Variants in CACNG3 observed in about 807,000 individuals in gnomAD.
CACNG3 encodes calcium voltage-gated channel auxiliary subunit gamma 3.
In CACNG3, 3 loss-of-function variants were observed where a neutral mutation model predicts 28.5. That is an observed-to-expected ratio of 0.11 (90% CI 0.05 to 0.27). The LOEUF is 0.27. Ranked by LOEUF, CACNG3 falls within the 10% of genes least tolerant of loss-of-function variation. CACNG3 has a pLI of 1.00. For missense variants in CACNG3, 236 were observed against 414.4 expected, an observed-to-expected ratio of 0.57 and a Z score of 3.74; for synonymous variants, 174 against 162.2, an observed-to-expected ratio of 1.07 and a Z score of -0.55.
intron 1 of CACNG3, among the ~76,000 whole-genome samples, chr16:24,301,466 C>T (rs1317665584): frequency 6.6e-6 from 1 of 152,174 alleles, no homozygotes; most frequent in African/African-American, 2.4e-5. Context: ...GTCAACTTGT[C>T]TATGAGGCGT....
At chr16:24,287,035 T>C (rs2141353806) in intron 1 of CACNG3, among the ~76,000 whole-genome samples, 1 of 152,292 alleles carries the variant, frequency 6.6e-6, no homozygotes, top group Non-Finnish European at 1.5e-5. Flanking sequence ...CAGAACACAA[T>C]GGATGGGATG....
At chr16:24,319,408 G>A (rs758507088) in intron 1 of CACNG3, among the ~76,000 whole-genome samples, 5 of 152,120 alleles carry the variant, frequency 3.3e-5, no homozygotes, top group Admixed American at 6.6e-5. Flanking sequence ...AGATGTCCTC[G>A]TAAAAGTATT....
intron 1 of CACNG3, among the ~76,000 whole-genome samples, chr16:24,282,187 T>G (rs542913582): frequency 6.6e-6 from 1 of 152,078 alleles, no homozygotes; most frequent in Non-Finnish European, 1.5e-5. Flanking sequence ...CATGAGGAAA[T>G]GGAGGTTCAG....
At chr16:24,339,218 T>C (rs148749418) in intron 1 of CACNG3, among the ~76,000 whole-genome samples, 81 of 152,314 alleles carry the variant, frequency 5.3e-4, no homozygotes, top group African/African-American at 1.8e-3. Flanking sequence ...ATTATTTCTC[T>C]GTATTGAAAA....
intron 1 of CACNG3, among the ~76,000 whole-genome samples, chr16:24,317,558 GAA>G (rs1567217319): frequency 5.9e-4 from 10 of 16,852 alleles, no homozygotes; most frequent in African/African-American, 2.9e-3. Flanking sequence ...AAAAGAAAAA[GAA>G]AGAAAGAAAG....
At chr16:24,305,320 A>ATGTGTG (rs57584370) in intron 1 of CACNG3, among the ~76,000 whole-genome samples, 1,747 of 136,180 alleles carry the variant, frequency 0.013, 15 homozygotes, top group Middle Eastern at 0.026. Flanking sequence ...ATACATAAAT[A>ATGTGTG]TGTGTGTGTG....
chr16:24,338,641 A>G (rs529439817), intron 1 of CACNG3, among the ~76,000 whole-genome samples: 39 of 152,214 alleles, frequency 2.6e-4, no homozygotes, highest in African/African-American at 8.9e-4. Flanking sequence ...CACCATGCCC[A>G]GCCCCAGTGT....
At chr16:24,320,715 T>C (rs2141369708) in intron 1 of CACNG3, among the ~76,000 whole-genome samples, 1 of 152,224 alleles carries the variant, frequency 6.6e-6, no homozygotes, top group South Asian at 2.1e-4. Flanking sequence ...AAGAAACAAT[T>C]CATACGTTTT....
intron 1 of CACNG3, among the ~76,000 whole-genome samples, chr16:24,295,195 A>G (rs1163214622): frequency 1.3e-5 from 2 of 152,218 alleles, no homozygotes; most frequent in African/African-American, 2.4e-5. Context: ...TGGTCAGTCC[A>G]GCTTTCTCCA....
At chr16:24,358,431 T>C (rs1900063679) in intron 3 of CACNG3, among the ~76,000 whole-genome samples, 1 of 152,214 alleles carries the variant, frequency 6.6e-6, no homozygotes, top group African/African-American at 2.4e-5. Flanking sequence ...TTGGTATTGA[T>C]AAAGTGCCCA....
intron 1 of CACNG3, among the ~76,000 whole-genome samples, chr16:24,274,194 A>C (rs1452510580): frequency 2.0e-5 from 3 of 146,984 alleles, no homozygotes; most frequent in Non-Finnish European, 3.0e-5. Flanking sequence ...CTCAAAAAAA[A>C]AAAAAACAAA....
At chr16:24,261,321 A>G (rs1313175162) in intron 1 of CACNG3, among the ~76,000 whole-genome samples, 1 of 152,180 alleles carries the variant, frequency 6.6e-6, no homozygotes, top group Admixed American at 6.5e-5. Flanking sequence ...ACTGTGGCAA[A>G]CTGGAAAACA....
chr16:24,345,310 A>G (rs1187586880), intron 1 of CACNG3, among the ~76,000 whole-genome samples: 1 of 152,176 alleles, frequency 6.6e-6, no homozygotes. Context: ...TAATTTCTGG[A>G]AAATTTTTTG....
chr16:24,344,498 A>T (rs2141379068), intron 1 of CACNG3, among the ~76,000 whole-genome samples: 1 of 152,364 alleles, frequency 6.6e-6, no homozygotes, highest in Non-Finnish European at 1.5e-5. Context: ...TTTCTTATCC[A>T]GTCAACTGGA....
At chr16:24,275,848 A>G (rs1013194629) in intron 1 of CACNG3, among the ~76,000 whole-genome samples, 3 of 152,226 alleles carry the variant, frequency 2.0e-5, no homozygotes, top group Admixed American at 6.5e-5. Context: ...CGAATGACCA[A>G]TGAATGATGT....
intron 1 of CACNG3, among the ~76,000 whole-genome samples, chr16:24,336,333 G>A (rs1323138190): frequency 8.6e-5 from 13 of 150,586 alleles, no homozygotes; most frequent in Non-Finnish European, 1.5e-4. Context: ...CTGTAGTGGC[G>A]TGATCTCAGC....
intron 1 of CACNG3, among the ~76,000 whole-genome samples, chr16:24,323,164 C>A (rs1463544592): frequency 7.1e-6 from 1 of 141,278 alleles, no homozygotes; most frequent in East Asian, 2.1e-4. Flanking sequence ...GAGGTTGAGG[C>A]TGCAGTGAGC....
intron 1 of CACNG3, among the ~76,000 whole-genome samples, chr16:24,266,665 G>C (rs749331167): frequency 6.6e-6 from 1 of 152,232 alleles, no homozygotes; most frequent in African/African-American, 2.4e-5. Context: ...CTAGCGTTTT[G>C]TGGGTCTGCT....
intron 1 of CACNG3, among the ~76,000 whole-genome samples, chr16:24,263,663 T>A (rs1898563032): frequency 6.6e-6 from 1 of 152,196 alleles, no homozygotes; most frequent in Non-Finnish European, 1.5e-5. Flanking sequence ...ACCTTGAAAG[T>A]TACCTACCCT....
Sources: gnomAD v4.1 joint callset for allele counts (sites outside exome capture counted in the v4.1 genomes callset) on GRCh38, gnomAD v4.1.1 for gene constraint, MANE v1.5 for transcripts, NCBI Gene and HGNC (gene_info 2026-07-23, HGNC 2026-07-21) for gene names.